ATXN1: variants seen among roughly 807,000 people sequenced by gnomAD.
The protein encoded by ATXN1 is ataxin 1.
ATXN1 carries 8 observed loss-of-function variants against 56.4 expected under a neutral mutation model. The observed-to-expected ratio is 0.14, with a 90% CI of 0.08 to 0.26. The LOEUF is 0.26. Ranked by LOEUF, ATXN1 falls within the 10% of genes least tolerant of loss-of-function variation. ATXN1 has a pLI of 1.00. For missense variants in ATXN1, 987 were observed against 1,106.5 expected, an observed-to-expected ratio of 0.89 and a Z score of 1.53; for synonymous variants, 514 against 494.6, an observed-to-expected ratio of 1.04 and a Z score of -0.52.
At chr6:16,749,089 A>G (rs897518332) in intron 2 of ATXN1, among the ~76,000 whole-genome samples, 10 of 152,232 alleles carry the variant, frequency 6.6e-5, no homozygotes, top group Non-Finnish European at 7.3e-5. Flanking sequence ...TATATACAGT[A>G]TACACGCACG....
intron 6 of ATXN1, among the ~76,000 whole-genome samples, chr6:16,428,915 T>C (rs997449825): frequency 6.6e-6 from 1 of 151,954 alleles, no homozygotes; most frequent in Non-Finnish European, 1.5e-5. Flanking sequence ...GGCCCTGAAG[T>C]AGAGGAAGGA....
At chr6:16,604,054 C>G (rs1284525248) in intron 3 of ATXN1, among the ~76,000 whole-genome samples, 3 of 152,080 alleles carry the variant, frequency 2.0e-5, no homozygotes, top group Non-Finnish European at 2.9e-5. Flanking sequence ...ATCCACAAAC[C>G]AAGGGTCTCC....
intron 2 of ATXN1, among the ~76,000 whole-genome samples, chr6:16,679,509 G>A (rs566707667): frequency 9.2e-5 from 14 of 152,262 alleles, no homozygotes; most frequent in African/African-American, 2.6e-4. Context: ...TTATGTGGGC[G>A]GTTAAGTTCA....
intron 6 of ATXN1, among the ~76,000 whole-genome samples, chr6:16,475,169 C>T (rs1202482151): frequency 6.6e-6 from 1 of 152,152 alleles, no homozygotes. Flanking sequence ...TCCAAGGGCC[C>T]TCAGCATATG....
intron 6 of ATXN1, among the ~76,000 whole-genome samples, chr6:16,467,366 A>C (rs2113634468): frequency 6.6e-6 from 1 of 152,372 alleles, no homozygotes; most frequent in Admixed American, 6.5e-5. Flanking sequence ...TTATTCTATC[A>C]CGGAGATATG....
intron 6 of ATXN1, among the ~76,000 whole-genome samples, chr6:16,482,225 T>G (rs888647780): frequency 2.6e-5 from 4 of 152,124 alleles, no homozygotes; most frequent in African/African-American, 9.7e-5. Context: ...GAATGTCATT[T>G]AGGCATTCAC....
At chr6:16,420,387 T>C (rs1759007077) in intron 6 of ATXN1, among the ~76,000 whole-genome samples, 1 of 152,190 alleles carries the variant, frequency 6.6e-6, no homozygotes, top group Non-Finnish European at 1.5e-5. Flanking sequence ...AGGTTGAGAA[T>C]GGAGGGGGGA....
At chr6:16,621,210 A>C (rs1763313804) in intron 3 of ATXN1, among the ~76,000 whole-genome samples, 1 of 152,220 alleles carries the variant, frequency 6.6e-6, no homozygotes, top group South Asian at 2.1e-4. Flanking sequence ...AACGCAGCTC[A>C]GTGGGTTATT....
At chr6:16,747,862 G>C (rs2113524687) in intron 2 of ATXN1, among the ~76,000 whole-genome samples, 1 of 152,304 alleles carries the variant, frequency 6.6e-6, no homozygotes, top group Admixed American at 6.5e-5. Flanking sequence ...TGAGTTCTAA[G>C]CTTCCTTATG....
chr6:16,451,131 C>T (rs1469061395), intron 6 of ATXN1, among the ~76,000 whole-genome samples: 1 of 152,166 alleles, frequency 6.6e-6, no homozygotes, highest in East Asian at 1.9e-4. Flanking sequence ...CATTTAAAAG[C>T]AAGCAGTTGC....
intron 6 of ATXN1, among the ~76,000 whole-genome samples, chr6:16,347,879 T>A (rs920359200): frequency 2.6e-5 from 4 of 152,214 alleles, no homozygotes; most frequent in African/African-American, 9.6e-5. Flanking sequence ...GAAGCTTTGT[T>A]CTTTTTGTCT....
intron 2 of ATXN1, among the ~76,000 whole-genome samples, chr6:16,745,710 G>C (rs1451319926): frequency 6.6e-6 from 1 of 152,068 alleles, no homozygotes; most frequent in African/African-American, 2.4e-5. Context: ...CAGGTTAGTG[G>C]AGGGTGCTTA....
chr6:16,451,266 G>A (rs536950382), intron 6 of ATXN1, among the ~76,000 whole-genome samples: 5 of 152,312 alleles, frequency 3.3e-5, no homozygotes, highest in African/African-American at 7.2e-5. Context: ...TCAGGAATTC[G>A]AGACAAGCCT....
At chr6:16,415,241 T>C (rs1032756174) in intron 6 of ATXN1, among the ~76,000 whole-genome samples, 2 of 152,178 alleles carry the variant, frequency 1.3e-5, no homozygotes, top group African/African-American at 4.8e-5. Context: ...TTGTTTTTGG[T>C]TTTTTTGAGA....
At chr6:16,331,817 T>C (rs552889582) in intron 6 of ATXN1, among the ~76,000 whole-genome samples, 11 of 152,366 alleles carry the variant, frequency 7.2e-5, no homozygotes, top group African/African-American at 2.4e-4. Context: ...GGTACTTCTT[T>C]AGGAAGCCAG....
chr6:16,675,194 A>G (rs1407865258), intron 2 of ATXN1, among the ~76,000 whole-genome samples: 1 of 152,194 alleles, frequency 6.6e-6, no homozygotes, highest in Non-Finnish European at 1.5e-5. Flanking sequence ...ACCCCTGGCA[A>G]CTGAAAGTAA....
At chr6:16,362,434 C>G (rs1761828418) in intron 6 of ATXN1, among the ~76,000 whole-genome samples, 1 of 152,162 alleles carries the variant, frequency 6.6e-6, no homozygotes, top group Non-Finnish European at 1.5e-5. Context: ...TTCTCACGCT[C>G]ACACTCCTCC....
intron 6 of ATXN1, among the ~76,000 whole-genome samples, chr6:16,343,159 A>G (rs1761294087): frequency 6.6e-6 from 1 of 152,172 alleles, no homozygotes; most frequent in South Asian, 2.1e-4. Context: ...CCTGGCTAAC[A>G]CGGTGAAACC....
chr6:16,505,377 G>A lies in ATXN1; in HGVS notation c.-299+17250C>T, dbSNP rs562340968. ...AGGTCCCTTATTAGGTGGGCTCAGG[G>A]TGCTGGTATCAGGACTATTTTTGCA... On this transcript the variant is annotated intron_variant, in intron 5 of 7. Transcript: ENST00000436367. Among the ~76,000 whole-genome samples the A allele has an allele frequency of 4.6e-5, 7 of 152,286 alleles. No homozygotes were observed. The East Asian group carries it at 1.2e-3, about 25-fold the overall frequency.
Sources: allele counts gnomAD v4.1 joint callset (sites outside exome capture counted in the v4.1 genomes callset), GRCh38; gene constraint gnomAD v4.1.1; transcripts MANE v1.5; gene names NCBI Gene and HGNC (gene_info 2026-07-23, HGNC 2026-07-21).